Variants in ZNF557 observed in about 807,000 individuals in gnomAD.
The protein encoded by ZNF557 is CTB-25J19.9.
A neutral mutation model predicts 21.2 loss-of-function variants in ZNF557; 19 were observed. The ratio of observed to expected loss-of-function variants is 0.90; its 90% CI spans 0.63 to 1.32. The LOEUF is 1.32. Among genes scored for constraint, ZNF557 ranks in the 40% most tolerant of loss-of-function variants. The pLI, the probability that ZNF557 is intolerant of heterozygous loss-of-function variation, is 0.00. For missense variants in ZNF557, 487 were observed against 519.8 expected (o/e 0.94, Z 0.61); for synonymous variants, 207 against 194.8 (o/e 1.06, Z -0.52).
chr19:7,082,349 G>A (rs1599844294), intron 7 of ZNF557, among the ~76,000 whole-genome samples: 1 of 150,828 alleles, frequency 6.6e-6, no homozygotes, highest in South Asian at 2.1e-4. Flanking sequence ...CTTGAACCCT[G>A]GAGGTGGAGC....
rs1977771194 is a variant in ZNF557, at chr19:7,083,657, AC to A, written c.1209del (p.Tyr404MetfsTer38). 1 of 1,613,974 alleles carries A rather than the reference AC, an allele frequency of 6.2e-7. No homozygotes were observed. Among genetic ancestry groups the A allele is most frequent in the African/African-American group, 1.3e-5 (1 of 74,910 alleles). On this transcript the variant is annotated frameshift_variant, in exon 8 of 8. Coordinates refer to ENST00000252840, the MANE Select transcript of ZNF557 (RefSeq NM_024341.3). LOFTEE classifies it low-confidence loss of function (END_TRUNC). Reference protein sequence around the residue: ...KHMRTHTGKKPYECNYCGKSF... With the variant: ...KHMRTHTGKKXYECNYCGKSF... ...ACATGAGAACTCACACTGGAAAAAAACCCTATGAATGTAATTATTGCGGGAA... is the reference window on the plus strand; with the variant it reads ...ACATGAGAACTCACACTGGAAAAAAACCTATGAATGTAATTATTGCGGGAA...
At chr19:7,079,448 G>A (rs917424105) in intron 5 of ZNF557, among the ~76,000 whole-genome samples, 3 of 150,694 alleles carry the variant, frequency 2.0e-5, no homozygotes, top group South Asian at 2.1e-4. Context: ...CACCGTGTTA[G>A]CCAGGATGAT....
At chr19:7,077,097 G>A (rs969606206) in intron 5 of ZNF557, among the ~76,000 whole-genome samples, 1 of 133,728 alleles carries the variant, frequency 7.5e-6, no homozygotes, top group Admixed American at 7.5e-5. Flanking sequence ...GTGGTCTTTT[G>A]TGTCTCACTT....
At chr19:7,081,337 A>G in intron 5 of ZNF557, 23 bp from the exon 6 acceptor site, 2 of 1,540,678 alleles carry the variant, frequency 1.3e-6, no homozygotes, top group South Asian at 1.1e-5. Context: ...CCCCTACATC[A>G]TGTGTCTTTT....
chr19:7,077,132 C>CTTTTT (rs4031071), intron 5 of ZNF557, among the ~76,000 whole-genome samples: 3,243 of 78,292 alleles, frequency 0.041, 338 homozygotes, highest in Middle Eastern at 0.077. Context: ...TGTTTTCTTT[C>CTTTTT]TTTTTTTTTT....
intron 5 of ZNF557, among the ~76,000 whole-genome samples, chr19:7,080,442 T>TGC (rs1198413221): frequency 3.9e-5 from 6 of 152,200 alleles, no homozygotes; most frequent in Non-Finnish European, 8.8e-5. Flanking sequence ...CTGATTTGCC[T>TGC]TTAGATGTGT....
At chr19:7,082,828 A>C in intron 7 of ZNF557, 50 bp from the exon 8 acceptor site, 1 of 1,499,554 alleles carries the variant, frequency 6.7e-7, no homozygotes, top group Non-Finnish European at 8.9e-7. Flanking sequence ...GACAGCATTC[A>C]ATGTTAAAAA....
chr19:7,086,348 T>TA lies in ZNF557; in HGVS notation c.*2605dup, dbSNP rs1977844181. On this transcript the variant is annotated 3_prime_UTR_variant, in exon 8 of 8. Coordinates refer to ENST00000252840, the MANE Select transcript of ZNF557 (RefSeq NM_024341.3). ...TCTCTTTGTGTCCTAATATAGCAAA[T>TA]ACTGTTTCTTTTTTTTTTTTTTTTT... is the stretch of plus-strand genomic sequence containing the variant. 7.1e-6 allele frequency: 1 copy of TA among 141,420 alleles called. No individual in the cohort carries two copies. Among genetic ancestry groups the TA allele is most frequent in the South Asian group, 2.2e-4 (1 of 4,588 alleles). The allele number at this position is 141,420 out of a possible 1,614,324, so 8.8% of individuals were successfully genotyped here.
At chr19:7,079,475 T>A (rs546811993) in intron 5 of ZNF557, among the ~76,000 whole-genome samples, 1 of 151,980 alleles carries the variant, frequency 6.6e-6, no homozygotes, top group African/African-American at 2.4e-5. Context: ...CTCCTGACCT[T>A]GTGATCCGCC....
chr19:7,079,429 GAC>G (rs1491316926), intron 5 of ZNF557, among the ~76,000 whole-genome samples: 1,368 of 50,918 alleles, frequency 0.027, 10 homozygotes, highest in South Asian at 0.089. Context: ...ATTTAGTAGA[GAC>G]AGGGTTCACC....
chr19:7,082,770 T>C, intron 7 of ZNF557, 108 bp from the exon 8 acceptor site: 1 of 1,176,520 alleles, frequency 8.5e-7, no homozygotes, highest in Non-Finnish European at 1.2e-6. Flanking sequence ...AAACATTAAT[T>C]CCAATACTAT....
At chr19:7,077,451 C>T (rs1308595969) in intron 5 of ZNF557, among the ~76,000 whole-genome samples, 2 of 152,184 alleles carry the variant, frequency 1.3e-5, no homozygotes, top group Non-Finnish European at 2.9e-5. Flanking sequence ...TTTCAAAGTA[C>T]AGCTGTGTTG....
rs1977793157 is a variant in ZNF557, at chr19:7,084,524, T to TC, written c.*780_*781insC. 6.6e-6 allele frequency: 1 copy of TC among 151,988 alleles called. No homozygotes were observed. Among genetic ancestry groups the TC allele is most frequent in the African/African-American group, 2.4e-5 (1 of 41,344 alleles). The allele number at this position is 151,988 out of a possible 1,614,324, so 9.4% of individuals were successfully genotyped here. A position where few individuals can be genotyped will look rare whatever the true frequency, so the allele number is the denominator to read the frequency against. ...TGACACCATGTCTGGCTAATTTGTT[T>TC]TTTTTTAAACTAGAGGGAGGGTTTT... On this transcript the variant is annotated 3_prime_UTR_variant, in exon 8 of 8. Transcript: ENST00000252840.
At chr19:7,079,030 T>C (rs1382202527) in intron 5 of ZNF557, among the ~76,000 whole-genome samples, 1 of 152,066 alleles carries the variant, frequency 6.6e-6, no homozygotes, top group East Asian at 1.9e-4. Context: ...TTTTATAATT[T>C]CCATCTCTTT....
rs1368527034 is a variant in ZNF557 at position 7,085,860 on chromosome 19, T to C, written c.*2116T>C. On this transcript the variant is annotated 3_prime_UTR_variant, in exon 8 of 8. Coordinates refer to ENST00000252840, the MANE Select transcript of ZNF557 (RefSeq NM_024341.3). ...TTATATACAGTGTATTTATTATAATTCTAAAACATCAATACACCAAATATT... is the reference window on the plus strand; with the variant it reads ...TTATATACAGTGTATTTATTATAATCCTAAAACATCAATACACCAAATATT... The C allele has an allele frequency of 6.6e-6, 1 of 152,142 alleles. No homozygotes were observed. The highest frequency in any genetic ancestry group is 2.4e-5 in the African/African-American group (1 of 41,430). 9.4% of individuals were successfully genotyped at this position (152,142 alleles called of 1,614,324 possible).
chr19:7,087,699 AGAGT>A lies in ZNF557; in HGVS notation c.*3957_*3960del, dbSNP rs1568413391. The A allele has an allele frequency of 1.3e-5, 2 of 148,730 alleles. No homozygotes were observed. The highest frequency in any genetic ancestry group is 2.5e-5 in the African/African-American group (1 of 39,576). The allele number at this position is 148,730 out of a possible 1,614,324, so 9.2% of individuals were successfully genotyped here. ...GTTAAAACCAAAGAGAGAGAGAGAG[AGAGT>A]GTGTGTGTGTGTGTGTGTGTTTGGT... On this transcript the variant is annotated 3_prime_UTR_variant, in exon 8 of 8. Transcript: ENST00000252840.
rs1173984063 is a variant in ZNF557, at chr19:7,085,695, CA to C, written c.*1955del. On this transcript the variant is annotated 3_prime_UTR_variant, in exon 8 of 8. Coordinates refer to ENST00000252840, the MANE Select transcript of ZNF557 (RefSeq NM_024341.3). ...TGAGTGGCCACGCAGTAACTTAGAA[CA>C]AAAGGTGTAAGTGCTATGAATGTGG... 5 of 152,140 alleles carry C rather than the reference CA, an allele frequency of 3.3e-5. No homozygotes were observed. The highest frequency in any genetic ancestry group is 2.0e-4 in the Admixed American group (3 of 15,272). The allele number at this position is 152,140 out of a possible 1,614,324, so 9.4% of individuals were successfully genotyped here.
chr19:7,072,542 T>C (rs1171533378), intron 2 of ZNF557, among the ~76,000 whole-genome samples: 2 of 152,220 alleles, frequency 1.3e-5, no homozygotes, highest in Non-Finnish European at 2.9e-5. Context: ...CCTTTCAAAA[T>C]ACAACCTTTC....
At chr19:7,081,569 C>T in intron 6 of ZNF557, 114 bp downstream of exon 6, 1 of 740,274 alleles carries the variant, frequency 1.4e-6, no homozygotes, top group Non-Finnish European at 2.2e-6. Flanking sequence ...TGTAAATGCC[C>T]CTTTTCCCAA....
Sources: gnomAD v4.1 joint callset for allele counts (sites outside exome capture counted in the v4.1 genomes callset) on GRCh38, gnomAD v4.1.1 for gene constraint, MANE v1.5 for transcripts, NCBI Gene and HGNC (gene_info 2026-07-23, HGNC 2026-07-21) for gene names.